The following CTNNA3 variants were observed in gnomAD, a reference collection of about 807,000 sequenced individuals.
The protein encoded by CTNNA3 is catenin alpha-3.
A neutral mutation model predicts 95.7 loss-of-function variants in CTNNA3; 76 were observed. That is an observed-to-expected ratio of 0.79 (90% CI 0.66 to 0.96). The LOEUF is 0.96. Among genes scored for constraint, CTNNA3 ranks in the 40% least tolerant of loss-of-function variants. CTNNA3 has a pLI of 0.00. For missense variants in CTNNA3, 1,191 were observed against 1,089.8 expected, an observed-to-expected ratio of 1.09 and a Z score of -1.31; for synonymous variants, 431 against 374.4, an observed-to-expected ratio of 1.15 and a Z score of -1.74.
chr10:66,466,379 A>G (rs1471353152), intron 11 of CTNNA3, among the ~76,000 whole-genome samples: 2 of 115,028 alleles, frequency 1.7e-5, no homozygotes, highest in East Asian at 9.9e-4. Flanking sequence ...CACACAATCT[A>G]TTGGTTCTGT....
intron 7 of CTNNA3, among the ~76,000 whole-genome samples, chr10:67,044,514 A>G (rs941283311): frequency 4.3e-4 from 65 of 152,172 alleles, no homozygotes; most frequent in African/African-American, 1.5e-3. Flanking sequence ...TGCTATCTGG[A>G]AAGTTTCCCA....
At chr10:66,029,572 C>G (rs2079410707) in intron 15 of CTNNA3, among the ~76,000 whole-genome samples, 1 of 152,142 alleles carries the variant, frequency 6.6e-6, no homozygotes, top group African/African-American at 2.4e-5. Flanking sequence ...CTACAACCAG[C>G]AAGAATGGTC....
intron 9 of CTNNA3, among the ~76,000 whole-genome samples, chr10:66,700,141 A>G (rs886158609): frequency 6.6e-6 from 1 of 152,012 alleles, no homozygotes; most frequent in Non-Finnish European, 1.5e-5. Flanking sequence ...AAAGCTTTTT[A>G]TAGTCCCACT....
chr10:66,013,442 G>C (rs775078016), intron 15 of CTNNA3, among the ~76,000 whole-genome samples: 1 of 152,102 alleles, frequency 6.6e-6, no homozygotes, highest in Non-Finnish European at 1.5e-5. Context: ...GTGGATCTTA[G>C]AGCATGTGCA....
At chr10:65,958,020 C>T (rs2077767806) in intron 17 of CTNNA3, among the ~76,000 whole-genome samples, 1 of 152,196 alleles carries the variant, frequency 6.6e-6, no homozygotes, top group African/African-American at 2.4e-5. Context: ...TTCAGGTACA[C>T]CAATCAGATG....
At chr10:67,669,160 T>C (rs1477895953) in intron 1 of CTNNA3, among the ~76,000 whole-genome samples, 1 of 152,152 alleles carries the variant, frequency 6.6e-6, no homozygotes, top group Non-Finnish European at 1.5e-5. Flanking sequence ...ATTACAGCAG[T>C]GGGCTCTTAG....
intron 7 of CTNNA3, among the ~76,000 whole-genome samples, chr10:67,063,197 A>G (rs1011906631): frequency 6.6e-6 from 1 of 152,188 alleles, no homozygotes; most frequent in African/African-American, 2.4e-5. Context: ...TGGATGCTCA[A>G]GACAGCCTTA....
chr10:66,493,309 C>T (rs1243020510), intron 11 of CTNNA3, among the ~76,000 whole-genome samples: 2 of 152,120 alleles, frequency 1.3e-5, no homozygotes, highest in Non-Finnish European at 2.9e-5. Context: ...TTTTGCAAAA[C>T]CACAATGCAG....
At chr10:67,429,941 CA>C (rs1327009387) in intron 5 of CTNNA3, among the ~76,000 whole-genome samples, 12 of 151,912 alleles carry the variant, frequency 7.9e-5, no homozygotes, top group African/African-American at 2.7e-4. Context: ...TCACTCGACA[CA>C]AACCAAAGAA....
At chr10:66,856,084 C>A (rs927318258) in intron 7 of CTNNA3, among the ~76,000 whole-genome samples, 2 of 151,918 alleles carry the variant, frequency 1.3e-5, no homozygotes, top group African/African-American at 4.8e-5. Flanking sequence ...ACCCTCCACC[C>A]TAGAGTACAC....
At chr10:67,025,581 C>T (rs901129062) in intron 7 of CTNNA3, among the ~76,000 whole-genome samples, 8 of 152,022 alleles carry the variant, frequency 5.3e-5, no homozygotes, top group South Asian at 2.1e-4. Flanking sequence ...GAGAATAGCT[C>T]GGTTTCTGAC....
At chr10:67,235,659 C>G (rs1865418105) in intron 5 of CTNNA3, among the ~76,000 whole-genome samples, 1 of 142,392 alleles carries the variant, frequency 7.0e-6, no homozygotes, top group Admixed American at 6.9e-5. Context: ...CCAAAATTGA[C>G]AAATGGGATC....
chr10:66,164,652 G>A (rs146291522), intron 13 of CTNNA3, among the ~76,000 whole-genome samples: 1 of 152,136 alleles, frequency 6.6e-6, no homozygotes, highest in Non-Finnish European at 1.5e-5. Context: ...GAAAATCTCT[G>A]TAAATGTTAT....
intron 11 of CTNNA3, among the ~76,000 whole-genome samples, chr10:66,486,840 C>CAA (rs146639934): frequency 0.062 from 9,437 of 151,858 alleles, 817 homozygotes; most frequent in East Asian, 0.31. Context: ...CACACACACA[C>CAA]ACACACAAAA....
At chr10:66,051,637 T>C (rs1441551842) in intron 15 of CTNNA3, among the ~76,000 whole-genome samples, 1 of 152,252 alleles carries the variant, frequency 6.6e-6, no homozygotes, top group African/African-American at 2.4e-5. Context: ...CAAGTGAGGA[T>C]AAATTGTAAT....
intron 12 of CTNNA3, among the ~76,000 whole-genome samples, chr10:66,353,110 C>G (rs1400269247): frequency 2.0e-5 from 3 of 152,048 alleles, no homozygotes; most frequent in African/African-American, 4.8e-5. Flanking sequence ...ATATGCTTCT[C>G]TAATTTTGTG....
At chr10:66,723,530 C>T (rs1848692713) in intron 9 of CTNNA3, among the ~76,000 whole-genome samples, 2 of 152,216 alleles carry the variant, frequency 1.3e-5, no homozygotes, top group African/African-American at 4.8e-5. Flanking sequence ...CACTGCACAG[C>T]ACATTCTATA....
chr10:66,632,722 A>G (rs905412368), intron 9 of CTNNA3, among the ~76,000 whole-genome samples: 1 of 152,052 alleles, frequency 6.6e-6, no homozygotes, highest in Non-Finnish European at 1.5e-5. Context: ...AGGCTAGAAT[A>G]TATTACTACA....
At position 66,555,610 on chromosome 10, in the gene CTNNA3, C is replaced by T. The variant is rs140531545; in HGVS notation, c.1375-34837G>A. Among the ~76,000 whole-genome samples the T allele has an allele frequency of 1.8e-4, 27 of 152,158 alleles. No homozygotes were observed. The East Asian group carries it at 4.6e-3, about 26-fold the overall frequency. ...CTTAGCCCAGGCCCGCTTCACTGTT[C>T]GGTTAGCATTTTGATGCTTTTAAGG... On this transcript the variant is annotated intron_variant, in intron 10 of 17. Transcript: ENST00000433211.
Sources: gnomAD v4.1 joint callset for allele counts (sites outside exome capture counted in the v4.1 genomes callset) on GRCh38, gnomAD v4.1.1 for gene constraint, MANE v1.5 for transcripts, NCBI Gene and HGNC (gene_info 2026-07-23, HGNC 2026-07-21) for gene names.